Variants in NYAP2 observed in about 807,000 individuals in gnomAD.
NYAP2 encodes neuronal tyrosine-phosphorylated phosphoinositide-3-kinase adapter 2.
NYAP2 carries 23 observed loss-of-function variants against 50.4 expected under a neutral mutation model. The ratio of observed to expected loss-of-function variants is 0.46; its 90% CI spans 0.33 to 0.65. The LOEUF is 0.65. Among genes scored for constraint, NYAP2 ranks in the 30% least tolerant of loss-of-function variants. The pLI is 0.02. For synonymous variants in NYAP2, 394 were observed against 365.2 expected, an observed-to-expected ratio of 1.08 and a Z score of -0.90; for missense variants, 885 against 861.0, an observed-to-expected ratio of 1.03 and a Z score of -0.35.
chr2:225,560,432 T>G (rs1439187196), intron 4 of NYAP2, among the ~76,000 whole-genome samples: 1 of 152,080 alleles, frequency 6.6e-6, no homozygotes, highest in African/African-American at 2.4e-5. Flanking sequence ...TGTCTTGAGA[T>G]CCATGCCTGC....
chr2:225,432,144 ATTTTTTTT>A (rs751205603), intron 3 of NYAP2, among the ~76,000 whole-genome samples: 1 of 119,522 alleles, frequency 8.4e-6, no homozygotes, highest in Non-Finnish European at 1.7e-5. Flanking sequence ...CGCCCGCCTA[ATTTTTTTT>A]TTTTTTTTTT....
intron 5 of NYAP2, among the ~76,000 whole-genome samples, chr2:225,617,559 T>C (rs1402287217): frequency 6.6e-6 from 1 of 152,168 alleles, no homozygotes; most frequent in Non-Finnish European, 1.5e-5. Flanking sequence ...CTTTTAAATA[T>C]TGCAAAAAAA....
intron 6 of NYAP2, among the ~76,000 whole-genome samples, chr2:225,642,633 C>T (rs569353406): frequency 6.6e-6 from 1 of 152,250 alleles, no homozygotes; most frequent in East Asian, 1.9e-4. Context: ...ATCCCTGTAC[C>T]AGTCAATGAG....
rs1047160862 is a variant in NYAP2 at position 225,453,781 on chromosome 2, C to G, written c.221+44680C>G. 5.9e-5 allele frequency among the ~76,000 whole-genome samples: 9 copies of G among 151,686 alleles called. 1 individual carries two copies. The highest frequency in any genetic ancestry group is 2.0e-4 in the Admixed American group (3 of 15,234). The stretch of plus-strand genomic sequence containing the variant: ...CTCCCAAATTTGAGCAATTCTCCTG[C>G]CTAAACCTTCTGAGTAGTTGGGTTT... On this transcript the variant is annotated intron_variant, in intron 3 of 6. Coordinates refer to ENST00000636099, the Ensembl canonical transcript of NYAP2.
intron 5 of NYAP2, among the ~76,000 whole-genome samples, chr2:225,585,509 A>G (rs1692374091): frequency 6.6e-6 from 1 of 152,242 alleles, no homozygotes; most frequent in South Asian, 2.1e-4. Context: ...TCTAAAACAA[A>G]GCTTGTACAT....
intron 5 of NYAP2, among the ~76,000 whole-genome samples, chr2:225,593,971 T>C (rs1356517801): frequency 3.3e-5 from 5 of 152,210 alleles, no homozygotes; most frequent in Non-Finnish European, 5.9e-5. Context: ...TTTGAAAGAA[T>C]GGCCATTCCA....
At position 225,582,183 on chromosome 2, in the gene NYAP2, T is replaced by A; in HGVS notation, c.766T>A (p.Phe256Ile). The A allele has an allele frequency of 6.2e-7, 1 of 1,613,964 alleles. No individual in the cohort carries two copies. Among genetic ancestry groups the A allele is most frequent in the Non-Finnish European group, 8.5e-7 (1 of 1,179,878 alleles). ...GATGGTGGGGAACATTCTCAGAGACTTCAGGAAGGAGGACGATGACCAGAG... is the reference window on the plus strand; with the variant it reads ...GATGGTGGGGAACATTCTCAGAGACATCAGGAAGGAGGACGATGACCAGAG... The change falls in exon 5 of 7, where the codon TTC becomes ATC. Residue 256 changes from phenylalanine to isoleucine, a missense_variant. Phe to Ile is a conservative substitution (Grantham distance 21). Coordinates refer to ENST00000636099, the Ensembl canonical transcript of NYAP2. The surrounding 1 kb of genome is among the most constrained non-coding windows in gnomAD (Gnocchi z 7.0).
Position 225,622,409 on chromosome 2 carries a change from C to T in NYAP2, c.1619-4508C>T, listed in dbSNP as rs116610594. ...CCATCCAAATGCCCTCTTCCTGCCC[C>T]CAGCTAGAGATGCAAATTATTTCTA... On this transcript the variant is annotated intron_variant, in intron 5 of 6. Coordinates refer to ENST00000636099, the Ensembl canonical transcript of NYAP2. Among the ~76,000 whole-genome samples, 1,055 of 152,214 alleles carry T rather than the reference C, an allele frequency of 6.9e-3. 15 individuals carry two copies. Among genetic ancestry groups the T allele is most frequent in the African/African-American group, 0.024 (1,005 of 41,532 alleles).
intron 3 of NYAP2, among the ~76,000 whole-genome samples, chr2:225,446,246 C>CTATATATA (rs58633886): frequency 2.4e-5 from 2 of 82,272 alleles, no homozygotes; most frequent in African/African-American, 1.2e-4. Flanking sequence ...CTCTCTCTCT[C>CTATATATA]TATATATATA....
chr2:225,399,533 A>T (rs1424826333), upstream of NYAP2, among the ~76,000 whole-genome samples: 1 of 152,002 alleles, frequency 6.6e-6, no homozygotes, highest in Non-Finnish European at 1.5e-5. Context: ...TATTTTAGTT[A>T]AAAAAATGTG....
chr2:225,640,859 T>C (rs1402098779), intron 6 of NYAP2, among the ~76,000 whole-genome samples: 2 of 152,220 alleles, frequency 1.3e-5, no homozygotes, highest in Non-Finnish European at 1.5e-5. Context: ...TATGATACCG[T>C]ATACTATATA....
the NYAP2 span, among the ~76,000 whole-genome samples, chr2:225,691,011 A>G: frequency 6.6e-6 from 1 of 152,192 alleles, no homozygotes; most frequent in Non-Finnish European, 1.5e-5. Flanking sequence ...TCCAAAAACC[A>G]TTTACTGAGG....
chr2:225,515,721 C>T (rs114429978), intron 4 of NYAP2, among the ~76,000 whole-genome samples: 1 of 152,114 alleles, frequency 6.6e-6, no homozygotes, highest in Non-Finnish European at 1.5e-5. Context: ...TTTCATTTCT[C>T]TTTATTTTCT....
At chr2:225,526,991 C>A (rs533044981) in intron 4 of NYAP2, among the ~76,000 whole-genome samples, 66 of 152,226 alleles carry the variant, frequency 4.3e-4, no homozygotes, top group African/African-American at 1.3e-3. Context: ...CATGTGTGAT[C>A]TTTTTCTAAA....
rs193028253 is a variant in NYAP2 at position 225,643,201 on chromosome 2, T to C, written c.1829-8231T>C. On this transcript the variant is annotated intron_variant, in intron 6 of 6. Coordinates refer to ENST00000636099, the Ensembl canonical transcript of NYAP2. ...AAAATCCCCCGAGAGTTTGTATAAC[T>C]TCCCTCAGGTCTCATGGGCAGAAAA... Among the ~76,000 whole-genome samples the C allele has an allele frequency of 4.6e-5, 7 of 152,034 alleles. No homozygotes were observed. The East Asian group carries it at 1.4e-3, about 29-fold the overall frequency.
the NYAP2 span, among the ~76,000 whole-genome samples, chr2:225,672,878 T>G: frequency 6.6e-6 from 1 of 152,010 alleles, no homozygotes; most frequent in Non-Finnish European, 1.5e-5. Flanking sequence ...AAGTTTGCCA[T>G]CTTATATGGG....
intron 4 of NYAP2, among the ~76,000 whole-genome samples, chr2:225,516,081 A>T (rs1364949425): frequency 6.6e-6 from 1 of 152,162 alleles, no homozygotes; most frequent in African/African-American, 2.4e-5. Flanking sequence ...ACTTAGAGTG[A>T]AAGTATGGAG....
intron 6 of NYAP2, among the ~76,000 whole-genome samples, chr2:225,631,969 C>A (rs1271990703): frequency 6.6e-6 from 1 of 152,132 alleles, no homozygotes; most frequent in Non-Finnish European, 1.5e-5. Flanking sequence ...AGGTGCCCAC[C>A]ACCATGCCTG....
chr2:225,417,952 C>CA (rs61197010), intron 3 of NYAP2, among the ~76,000 whole-genome samples: 1 of 148,890 alleles, frequency 6.7e-6, no homozygotes, highest in South Asian at 2.1e-4. Context: ...AGAAGGCAGA[C>CA]AAAAAAAGAA....
Sources: gnomAD v4.1 joint callset for allele counts (sites outside exome capture counted in the v4.1 genomes callset) on GRCh38, gnomAD v4.1.1 for gene constraint, Gnocchi (gnomAD v3.1) non-coding constraint, MANE v1.5 for transcripts, NCBI Gene and HGNC (gene_info 2026-07-23, HGNC 2026-07-21) for gene names.